MCUB: variants seen among roughly 807,000 people sequenced by gnomAD.
MCUB encodes the protein calcium uniporter regulatory subunit MCUb, mitochondrial.
In MCUB, 46 loss-of-function variants were observed where a neutral mutation model predicts 41.4. The ratio of observed to expected loss-of-function variants is 1.11; its 90% CI spans 0.88 to 1.42. The LOEUF (loss-of-function observed/expected upper bound fraction) is 1.42. Ranked by LOEUF, MCUB falls within the 40% of genes most tolerant of loss-of-function variation. The pLI is 0.00. For synonymous variants in MCUB, 148 were observed against 148.2 expected (o/e 1.00, Z 0.01); for missense variants, 403 against 404.9 (o/e 1.00, Z 0.04).
chr4:109,684,552 G>T lies in MCUB; in HGVS notation c.722G>T (p.Trp241Leu). The change falls in exon 6 of 8, where the codon TGG (tryptophan) becomes TTG (leucine). Residue 241 changes from tryptophan to leucine, a missense_variant. Transcript: ENST00000394650. Reference protein sequence around the residue: ...QGGALAWLTWWVYSWDIMEPV... With the variant: ...QGGALAWLTWLVYSWDIMEPV... Reference sequence around the variant, plus strand: ...GGGGCACTGGCCTGGCTCACGTGGTGGGTGTACTCCTGGGATATCATGGAG... The same window carrying T: ...GGGGCACTGGCCTGGCTCACGTGGTTGGTGTACTCCTGGGATATCATGGAG... 2.5e-6 allele frequency: 4 copies of T among 1,610,412 alleles called. No homozygotes were observed. In the South Asian group the frequency reaches 4.4e-5, roughly 18 times the overall value.
chr4:109,564,946 G>T (rs991117286), intron 1 of MCUB, among the ~76,000 whole-genome samples: 1 of 152,132 alleles, frequency 6.6e-6, no homozygotes, highest in Non-Finnish European at 1.5e-5. Context: ...GCAACTCCAT[G>T]CAACACAATC....
intron 7 of MCUB, among the ~76,000 whole-genome samples, chr4:109,687,004 G>A (rs1401075150): frequency 6.6e-6 from 1 of 151,014 alleles, no homozygotes; most frequent in Non-Finnish European, 1.5e-5. Flanking sequence ...CCATTATAAA[G>A]GGTATAAACT....
chr4:109,628,388 T>C (rs1339220666), intron 1 of MCUB, among the ~76,000 whole-genome samples: 1 of 152,152 alleles, frequency 6.6e-6, no homozygotes, highest in African/African-American at 2.4e-5. Flanking sequence ...TGGTGGGATA[T>C]TGAGTTTTTA....
Position 109,648,224 on chromosome 4 carries a change from GAGA to G in MCUB, c.100-10786_100-10784del, listed in dbSNP as rs1006444716. Among the ~76,000 whole-genome samples the G allele has an allele frequency of 2.7e-4, 4 of 14,844 alleles. No individual in the cohort carries two copies. The African/African-American group carries it at 3.1e-3, about 11-fold the overall frequency. 9.7% of individuals were successfully genotyped at this position (14,844 alleles called of 152,430 possible). A position where few individuals can be genotyped will look rare whatever the true frequency, so the allele number is the denominator to read the frequency against. On this transcript the variant is annotated intron_variant, in intron 1 of 7. Coordinates refer to ENST00000394650, the MANE Select transcript of MCUB (RefSeq NM_017918.5). ...AATGTCCTGTCGAAATGGAAGGAAA[GAGA>G]GAGAGAAGGAGGAAAATGCATTTAT... is the stretch of plus-strand genomic sequence containing the variant.
chr4:109,625,927 G>T (rs755568071), intron 1 of MCUB, among the ~76,000 whole-genome samples: 3 of 152,108 alleles, frequency 2.0e-5, no homozygotes, highest in Non-Finnish European at 4.4e-5. Context: ...GTTGTTGTAA[G>T]TCTTTTCCTT....
chr4:109,570,836 A>T (rs1369887819), intron 1 of MCUB, among the ~76,000 whole-genome samples: 1 of 152,252 alleles, frequency 6.6e-6, no homozygotes, highest in Non-Finnish European at 1.5e-5. Flanking sequence ...TACAATGGAA[A>T]AACAGGAGGA....
chr4:109,564,912 T>C lies in MCUB; in HGVS notation c.99+4476T>C, dbSNP rs142919584. ...ACCATCTTTCTTTGAGAGAGAACTA[T>C]AGCATCAAAATTAGATTCTTACAGC... On this transcript the variant is annotated intron_variant, in intron 1 of 7. Transcript: ENST00000394650. Among the ~76,000 whole-genome samples the C allele has an allele frequency of 1.4e-3, 220 of 152,270 alleles. 2 individuals carry two copies. Among genetic ancestry groups the C allele is most frequent in the Non-Finnish European group, 2.7e-3 (184 of 68,022 alleles).
At chr4:109,619,482 CAGATCATG>C (rs1728206189) in intron 1 of MCUB, among the ~76,000 whole-genome samples, 1 of 152,088 alleles carries the variant, frequency 6.6e-6, no homozygotes, top group Non-Finnish European at 1.5e-5. Context: ...TTGAGGCAGG[CAGATCATG>C]AGATCAGGAG....
intron 1 of MCUB, among the ~76,000 whole-genome samples, chr4:109,573,408 G>A (rs889380170): frequency 6.6e-6 from 1 of 150,572 alleles, no homozygotes; most frequent in African/African-American, 2.5e-5. Context: ...AGCGGAGATC[G>A]CGCCACCACA....
intron 1 of MCUB, among the ~76,000 whole-genome samples, chr4:109,588,874 A>G (rs1489876421): frequency 2.0e-5 from 3 of 152,214 alleles, no homozygotes; most frequent in Non-Finnish European, 1.5e-5. Context: ...AATTGGATAT[A>G]AAGAATGATT....
At chr4:109,686,284 G>T (rs1022237352) in intron 7 of MCUB, among the ~76,000 whole-genome samples, 1 of 151,940 alleles carries the variant, frequency 6.6e-6, no homozygotes, top group Non-Finnish European at 1.5e-5. Context: ...GATTATAGGC[G>T]CCCGCCACCA....
intron 4 of MCUB, among the ~76,000 whole-genome samples, chr4:109,666,547 G>A (rs1219427464): frequency 7.0e-6 from 1 of 142,086 alleles, no homozygotes; most frequent in African/African-American, 2.5e-5. Context: ...AATGATGTAT[G>A]ATGATGAGCA....
intron 4 of MCUB, among the ~76,000 whole-genome samples, chr4:109,674,863 G>T (rs1419296099): frequency 2.0e-5 from 3 of 152,198 alleles, no homozygotes; most frequent in Non-Finnish European, 4.4e-5. Flanking sequence ...AAATGTGTGT[G>T]TTGCTTATTT....
intron 1 of MCUB, among the ~76,000 whole-genome samples, chr4:109,587,595 G>A (rs56218711): frequency 0.19 from 29,044 of 151,976 alleles, 3,889 homozygotes; most frequent in African/African-American, 0.37. Context: ...ATCTTGGAAC[G>A]GAAATCCAAA....
chr4:109,613,059 T>TC (rs1371924464), intron 1 of MCUB, among the ~76,000 whole-genome samples: 5 of 150,298 alleles, frequency 3.3e-5, no homozygotes, highest in African/African-American at 4.9e-5. Context: ...TGAGCCGAGA[T>TC]CACACCACTG....
intron 1 of MCUB, among the ~76,000 whole-genome samples, chr4:109,658,366 T>C (rs760549109): frequency 2.0e-4 from 31 of 152,006 alleles, no homozygotes; most frequent in Non-Finnish European, 3.7e-4. Context: ...GATGGGATCT[T>C]GGCTCACGGC....
rs527932548 is a variant in MCUB at position 109,618,465 on chromosome 4, A to G, written c.100-40546A>G. Among the ~76,000 whole-genome samples, 154 of 152,316 alleles carry G rather than the reference A, an allele frequency of 1.0e-3. 2 individuals carry two copies. The highest frequency in any genetic ancestry group is 1.0e-2 in the Admixed American group (153 of 15,302). Reference sequence around the variant, plus strand: ...CATTCTCTTTCTCCTGCTTTATGATAAGATGACCTCCCAGAGAAGTTACTA... The same window carrying G: ...CATTCTCTTTCTCCTGCTTTATGATGAGATGACCTCCCAGAGAAGTTACTA... On this transcript the variant is annotated intron_variant, in intron 1 of 7. Transcript: ENST00000394650.
rs748218357 is a variant in MCUB at position 109,684,396 on chromosome 4, G to A, written c.613-47G>A. Reference sequence around the variant, plus strand: ...TTTCATCTTGCTTTTTGTCCCTTTAGTTGGTGTATTTGTAAACAGAATTAA... The same window carrying A: ...TTTCATCTTGCTTTTTGTCCCTTTAATTGGTGTATTTGTAAACAGAATTAA... On this transcript the variant is annotated intron_variant, in intron 5 of 7. Transcript: ENST00000394650. 4 of 1,456,726 alleles carry A rather than the reference G, an allele frequency of 2.7e-6. No individual in the cohort carries two copies. The South Asian group carries it at 5.1e-5, about 19-fold the overall frequency. The allele number at this position is 1,456,726 out of a possible 1,614,324, so 90.2% of individuals were successfully genotyped here.
chr4:109,674,707 T>G (rs1729534646), intron 4 of MCUB, among the ~76,000 whole-genome samples: 1 of 152,258 alleles, frequency 6.6e-6, no homozygotes, highest in African/African-American at 2.4e-5. Context: ...ATTGTAAACA[T>G]GAGAATAACT....
Sources: gnomAD v4.1 joint callset for allele counts (sites outside exome capture counted in the v4.1 genomes callset) on GRCh38, gnomAD v4.1.1 for gene constraint, MANE v1.5 for transcripts, NCBI Gene and HGNC (gene_info 2026-07-23, HGNC 2026-07-21) for gene names.